Variants in RAI1 observed in about 807,000 individuals in gnomAD.
RAI1 encodes the protein retinoic acid induced 1.
A neutral mutation model predicts 123.8 loss-of-function variants in RAI1; 9 were observed. That is an observed-to-expected ratio of 0.07 (90% CI 0.04 to 0.13). The LOEUF (loss-of-function observed/expected upper bound fraction) is 0.13. Ranked by LOEUF, RAI1 falls within the 10% of genes least tolerant of loss-of-function variation. The probability of loss-of-function intolerance (pLI) is 1.00; values close to 1 mark genes in which losing one functional copy is unlikely to be tolerated. For synonymous variants in RAI1, 1,231 were observed against 1,127.3 expected (o/e 1.09, Z -1.84); for missense variants, 2,256 against 2,545.8 (o/e 0.89, Z 2.45).
chr17:17,745,932 T>C (rs1313624638), intron 2 of RAI1, among the ~76,000 whole-genome samples: 1 of 152,076 alleles, frequency 6.6e-6, no homozygotes, highest in Non-Finnish European at 1.5e-5. Context: ...TGATTGGGCA[T>C]GAGTGGGGAG....
At chr17:17,763,492 G>A (rs1319242384) in intron 2 of RAI1, among the ~76,000 whole-genome samples, 1 of 152,230 alleles carries the variant, frequency 6.6e-6, no homozygotes, top group African/African-American at 2.4e-5. Context: ...GGGCAGAGGG[G>A]GCACCGAGGG....
chr17:17,683,371 C>T (rs1250574944), intron 1 of RAI1, among the ~76,000 whole-genome samples: 1 of 152,190 alleles, frequency 6.6e-6, no homozygotes, highest in Non-Finnish European at 1.5e-5. Context: ...AGTCCTCGCT[C>T]TGCTCAGGGT....
At chr17:17,731,212 G>A (rs558195094) in intron 2 of RAI1, among the ~76,000 whole-genome samples, 1 of 152,372 alleles carries the variant, frequency 6.6e-6, no homozygotes, top group Admixed American at 6.5e-5. Context: ...GGCCAGGCCT[G>A]TCCTGCACAT....
At chr17:17,764,056 G>A (rs968360526) in intron 2 of RAI1, among the ~76,000 whole-genome samples, 6 of 152,210 alleles carry the variant, frequency 3.9e-5, no homozygotes, top group East Asian at 1.9e-4. Flanking sequence ...GCCATCCTCC[G>A]GACATCTTTA....
At chr17:17,681,928 G>A (rs1348068546) in intron 1 of RAI1, 135 bp downstream of exon 1, 2 of 228,276 alleles carry the variant, frequency 8.8e-6, no homozygotes, top group African/African-American at 4.8e-5. Context: ...GCTGGGTGGA[G>A]ATGTGGGGTC....
At chr17:17,763,098 C>G (rs569816162) in intron 2 of RAI1, among the ~76,000 whole-genome samples, 41 of 151,860 alleles carry the variant, frequency 2.7e-4, no homozygotes, top group African/African-American at 7.5e-4. Context: ...CTTGCATTGT[C>G]TAAAACAGGT....
intron 2 of RAI1, chr17:17,770,950 C>G (rs949466177): frequency 6.6e-6 from 1 of 152,122 alleles, no homozygotes; most frequent in African/African-American, 2.4e-5. Context: ...TCCTAAGGAC[C>G]CAGGGCCTGG....
At chr17:17,775,137 C>T (rs1276712530) in intron 2 of RAI1, among the ~76,000 whole-genome samples, 1 of 151,684 alleles carries the variant, frequency 6.6e-6, no homozygotes, top group Non-Finnish European at 1.5e-5. Flanking sequence ...TTGTGTGCAG[C>T]TGACCCTTGA....
At chr17:17,803,030 G>A (rs999012461) in intron 3 of RAI1, among the ~76,000 whole-genome samples, 8 of 150,552 alleles carry the variant, frequency 5.3e-5, no homozygotes, top group Admixed American at 2.0e-4. Flanking sequence ...GTTGCCGTGA[G>A]CGGAGATCAC....
rs1310247746 is a variant in RAI1 at position 17,796,025 on chromosome 17, T to A, written c.3077T>A (p.Leu1026His). 6.3e-7 allele frequency: 1 copy of A among 1,592,370 alleles called. No homozygotes were observed. Among genetic ancestry groups the A allele is most frequent in the Non-Finnish European group, 8.5e-7 (1 of 1,170,522 alleles). ...CCAGTGCTGCCCAAAGACCTCTTGCTCCCTGAATCCTGCACAGGGCCCCCC... is the reference window on the plus strand; with the variant it reads ...CCAGTGCTGCCCAAAGACCTCTTGCACCCTGAATCCTGCACAGGGCCCCCC... ...RAPVLPKDLL[L>H]PESCTGPPQG... Residue 1026 changes from leucine to histidine, a missense_variant, in exon 3 of 6, where the codon CTC becomes CAC. Around this residue, in one of 7 missense-constraint regions of RAI1, gnomAD observed 566 missense variants for 616.0 expected, o/e 0.92. Coordinates refer to ENST00000353383, the MANE Select transcript of RAI1 (RefSeq NM_030665.4). This position sits in a 1 kb window ranked among gnomAD's most constrained non-coding sequence, Gnocchi z 5.8.
intron 2 of RAI1, among the ~76,000 whole-genome samples, chr17:17,755,141 C>T (rs147596990): frequency 4.1e-4 from 62 of 152,334 alleles, no homozygotes; most frequent in African/African-American, 1.4e-3. Context: ...CTTCCTGTCA[C>T]GGTGCTGCCA....
At chr17:17,703,222 T>TA (rs1376955814) in intron 1 of RAI1, among the ~76,000 whole-genome samples, 1 of 152,082 alleles carries the variant, frequency 6.6e-6, no homozygotes, top group Non-Finnish European at 1.5e-5. Flanking sequence ...CACAGGAGGC[T>TA]AGGGAGGATC....
intron 1 of RAI1, among the ~76,000 whole-genome samples, chr17:17,682,874 T>A (rs886277247): frequency 6.6e-6 from 1 of 151,910 alleles, no homozygotes; most frequent in African/African-American, 2.4e-5. Flanking sequence ...CCTCGGGCTC[T>A]GAATGGATGG....
intron 2 of RAI1, among the ~76,000 whole-genome samples, chr17:17,746,394 G>C (rs1208332884): frequency 6.6e-6 from 1 of 152,222 alleles, no homozygotes; most frequent in Non-Finnish European, 1.5e-5. Flanking sequence ...AGCGGACTGG[G>C]TCGGTCTGGC....
rs76375046 is a variant in RAI1 at position 17,799,576 on chromosome 17, G to A, written c.5565+1063G>A. Among the ~76,000 whole-genome samples, 2 of 152,130 alleles carry A rather than the reference G, an allele frequency of 1.3e-5. No homozygotes were observed. Among genetic ancestry groups the A allele is most frequent in the Non-Finnish European group, 2.9e-5 (2 of 68,010 alleles). ...CTGTGTGGTGGCTCTCAGTGGGGAC[G>A]CCTGCAGCCTTCTCTGGCCCCTGCC... is the stretch of plus-strand genomic sequence containing the variant. On this transcript the variant is annotated intron_variant, in intron 3 of 5. Coordinates refer to ENST00000353383, the MANE Select transcript of RAI1 (RefSeq NM_030665.4). This position sits in a 1 kb window ranked among gnomAD's most constrained non-coding sequence, Gnocchi z 4.5.
chr17:17,798,604 A>T, intron 3 of RAI1, 91 bp downstream of exon 3: 1 of 1,552,902 alleles, frequency 6.4e-7, no homozygotes, highest in Non-Finnish European at 8.7e-7. Context: ...CTAGTGCTAC[A>T]GTGTGGGCCA....
Position 17,811,279 on chromosome 17 carries a change from C to A in RAI1, c.*1298C>A. ...TACATATATATAATATATATGAAGA[C>A]TGTAAATGTTAAGACGACTAGTGTT... On this transcript the variant is annotated 3_prime_UTR_variant, in exon 6 of 6. Coordinates refer to ENST00000353383, the MANE Select transcript of RAI1 (RefSeq NM_030665.4). The A allele has an allele frequency of 3.2e-6, 1 of 312,132 alleles. No homozygotes were observed. Among genetic ancestry groups the A allele is most frequent in the Non-Finnish European group, 6.3e-6 (1 of 159,172 alleles). The allele number at this position is 312,132 out of a possible 1,614,324, so 19.3% of individuals were successfully genotyped here.
At chr17:17,726,871 A>G (rs1199836673) in intron 2 of RAI1, among the ~76,000 whole-genome samples, 1 of 152,010 alleles carries the variant, frequency 6.6e-6, no homozygotes, top group Non-Finnish European at 1.5e-5. Flanking sequence ...CTATATTCAG[A>G]TGTATATCCT....
chr17:17,751,713 C>CA (rs2030177488), intron 2 of RAI1, among the ~76,000 whole-genome samples: 1 of 152,230 alleles, frequency 6.6e-6, no homozygotes, highest in African/African-American at 2.4e-5. Context: ...TGGAGAGCCA[C>CA]AGGGCCGATT....
Sources: allele counts gnomAD v4.1 joint callset (sites outside exome capture counted in the v4.1 genomes callset), GRCh38; gene constraint gnomAD v4.1.1; regional missense constraint gnomAD v4.1.1; non-coding constraint Gnocchi (gnomAD v3.1); transcripts MANE v1.5; gene names NCBI Gene and HGNC (gene_info 2026-07-23, HGNC 2026-07-21).